The following KCNE2 variants were observed in gnomAD, a reference collection of about 807,000 sequenced individuals.
KCNE2 encodes the protein potassium voltage-gated channel subfamily E member 2.
A neutral mutation model predicts 4.5 loss-of-function variants in KCNE2; 4 were observed. The observed-to-expected ratio is 0.89, with a 90% CI of 0.44 to 2.03. The LOEUF is 2.03. Among genes scored for constraint, KCNE2 ranks in the 30% most tolerant of loss-of-function variants. The pLI is 0.03. For missense variants in KCNE2, 137 were observed against 151.4 expected, an observed-to-expected ratio of 0.90 and a Z score of 0.50; for synonymous variants, 57 against 55.9, an observed-to-expected ratio of 1.02 and a Z score of -0.09.
At chr21:34,370,367 T>C in intron 1 of KCNE2, 100 bp from the exon 2 acceptor site, 1 of 1,386,830 alleles carries the variant, frequency 7.2e-7, no homozygotes, top group Non-Finnish European at 1.0e-6. Flanking sequence ...GAAATACTAT[T>C]ACTTATACCC....
Position 34,370,511 on chromosome 21 carries a change from GGA to G in KCNE2, c.34_35del (p.Glu12ArgfsTer21), listed in dbSNP as rs1979530148. ...STLSNFTQTL[E>X]DVFRRIFITY... ...CTTTATCCAATTTCACACAGACGCT[GGA>G]AGACGTCTTCCGAAGGATTTTTATT... is the stretch of plus-strand genomic sequence containing the variant. On this transcript the variant is annotated frameshift_variant, in exon 2 of 2. Coordinates refer to ENST00000290310, the MANE Select transcript of KCNE2 (RefSeq NM_172201.2). LOFTEE classifies it high-confidence loss of function. 6.2e-7 allele frequency: 1 copy of G among 1,614,036 alleles called. No individual in the cohort carries two copies. The highest frequency in any genetic ancestry group is 1.1e-5 in the South Asian group (1 of 91,088).
intron 1 of KCNE2, among the ~76,000 whole-genome samples, chr21:34,369,058 G>A (rs1424229447): frequency 6.6e-6 from 1 of 152,070 alleles, no homozygotes; most frequent in Admixed American, 6.5e-5. Context: ...ATAATGTCCC[G>A]AGGAAAGAGA....
chr21:34,364,203 A>T (rs1979198961), intron 1 of KCNE2, 52 bp downstream of exon 1: 1 of 152,336 alleles, frequency 6.6e-6, no homozygotes, highest in African/African-American at 2.4e-5. Context: ...TAACAAAGTT[A>T]TCTATGTGCC....
rs1424072464 is a variant in KCNE2 at position 34,371,161 on chromosome 21, C to G, written c.*311C>G. 6 of 390,246 alleles carry G rather than the reference C, an allele frequency of 1.5e-5. No individual in the cohort carries two copies. In the East Asian group the frequency reaches 2.8e-4, roughly 18 times the overall value. 24.2% of individuals were successfully genotyped at this position (390,246 alleles called of 1,614,324 possible). The stretch of plus-strand genomic sequence containing the variant: ...TTGAAGTAAAGTGTCTGGGCAGTGG[C>G]TGTGGGGATAGAAAGGAGAGATTTA... On this transcript the variant is annotated 3_prime_UTR_variant, in exon 2 of 2. Coordinates refer to ENST00000290310, the MANE Select transcript of KCNE2 (RefSeq NM_172201.2).
chr21:34,370,210 A>G (rs573513652), intron 1 of KCNE2, among the ~76,000 whole-genome samples: 18 of 152,356 alleles, frequency 1.2e-4, no homozygotes, highest in African/African-American at 4.3e-4. Context: ...ATGCATATAT[A>G]AATATCAAAG....
At chr21:34,368,242 A>G (rs913553524) in intron 1 of KCNE2, among the ~76,000 whole-genome samples, 2 of 113,304 alleles carry the variant, frequency 1.8e-5, no homozygotes, top group African/African-American at 4.1e-5. Context: ...ATATATATAT[A>G]TATATATATA....
intron 1 of KCNE2, among the ~76,000 whole-genome samples, chr21:34,364,766 C>T (rs567489323): frequency 8.1e-6 from 1 of 123,026 alleles, no homozygotes; most frequent in East Asian, 2.9e-4. Context: ...GAGTGAGACT[C>T]CATCTCAAAA....
intron 1 of KCNE2, among the ~76,000 whole-genome samples, chr21:34,365,878 G>A (rs1424423289): frequency 2.0e-5 from 3 of 152,182 alleles, no homozygotes; most frequent in African/African-American, 7.2e-5. Context: ...TGTGGTCATG[G>A]AGCAGGCATG....
chr21:34,368,554 C>G (rs187254388), intron 1 of KCNE2, among the ~76,000 whole-genome samples: 20 of 151,874 alleles, frequency 1.3e-4, no homozygotes, highest in African/African-American at 4.8e-4. Flanking sequence ...GAGCCAAGAT[C>G]GCGCCACTGC....
At chr21:34,368,229 A>ACACAATATAT (rs781775671) in intron 1 of KCNE2, among the ~76,000 whole-genome samples, 5 of 84,810 alleles carry the variant, frequency 5.9e-5, no homozygotes, top group Non-Finnish European at 1.0e-4. Flanking sequence ...ACACACACAC[A>ACACAATATAT]ATATATATAT....
At chr21:34,368,238 A>AC (rs1979411120) in intron 1 of KCNE2, among the ~76,000 whole-genome samples, 5 of 107,122 alleles carry the variant, frequency 4.7e-5, no homozygotes, top group African/African-American at 2.1e-4. Context: ...CAATATATAT[A>AC]TATATATATA....
chr21:34,364,262 C>T (rs1328268694), intron 1 of KCNE2, 111 bp downstream of exon 1: 1 of 152,318 alleles, frequency 6.6e-6, no homozygotes, highest in African/African-American at 2.4e-5. Flanking sequence ...CATGGCCTGG[C>T]TCCTCATCCA....
chr21:34,368,230 A>ACAC (rs1568812346), intron 1 of KCNE2, among the ~76,000 whole-genome samples: 2 of 13,070 alleles, frequency 1.5e-4, no homozygotes, highest in African/African-American at 3.6e-4. Context: ...CACACACACA[A>ACAC]TATATATATA....
intron 1 of KCNE2, among the ~76,000 whole-genome samples, chr21:34,365,057 G>A (rs1310488289): frequency 6.6e-6 from 1 of 152,188 alleles, no homozygotes; most frequent in Non-Finnish European, 1.5e-5. Flanking sequence ...AGGACAGTCA[G>A]TGCTGGACAC....
In KCNE2 at chr21:34,364,139, A is replaced by G. The variant is rs1275724432; in HGVS notation, c.-25A>G. The G allele has an allele frequency of 6.6e-6, 1 of 152,228 alleles. No homozygotes were observed. The highest frequency in any genetic ancestry group is 1.5e-5 in the Non-Finnish European group (1 of 68,044). 9.4% of individuals were successfully genotyped at this position (152,228 alleles called of 1,614,324 possible). ...TTTGGAAAGGAATTTCATCCTGCCC[A>G]CACACTGCATAGGTAAGTCTTAGCA... is the stretch of plus-strand genomic sequence containing the variant. On this transcript the variant is annotated 5_prime_UTR_variant, in exon 1 of 2. Coordinates refer to ENST00000290310, the MANE Select transcript of KCNE2 (RefSeq NM_172201.2).
At chr21:34,370,404 G>T in intron 1 of KCNE2, 63 bp from the exon 2 acceptor site, 1 of 1,607,496 alleles carries the variant, frequency 6.2e-7, no homozygotes, top group East Asian at 2.2e-5. Flanking sequence ...CCTTTACATA[G>T]CCAAATCCAG....
chr21:34,366,537 T>C (rs1268988825), intron 1 of KCNE2, among the ~76,000 whole-genome samples: 1 of 152,084 alleles, frequency 6.6e-6, no homozygotes, highest in Non-Finnish European at 1.5e-5. Flanking sequence ...GATTCAGAGA[T>C]GAGTAAAGCA....
In KCNE2 at chr21:34,366,847, C is replaced by A. The variant is rs9985125; in HGVS notation, c.-13+2696C>A. 2.2e-4 allele frequency among the ~76,000 whole-genome samples: 33 copies of A among 150,900 alleles called. No individual in the cohort carries two copies. In the East Asian group the frequency reaches 6.1e-3, roughly 28 times the overall value. ...ACAAAAAATTAGCCGGGCTTCGTGG[C>A]GGGTGCCTGTAGACCCAGCTACTCA... On this transcript the variant is annotated intron_variant, in intron 1 of 1. Transcript: ENST00000290310.
At chr21:34,369,274 G>A (rs867795542) in intron 1 of KCNE2, among the ~76,000 whole-genome samples, 12 of 152,172 alleles carry the variant, frequency 7.9e-5, no homozygotes, top group African/African-American at 2.7e-4. Context: ...CATTGGCTGT[G>A]CACGGTGGCT....
Sources: gnomAD v4.1 joint callset for allele counts (sites outside exome capture counted in the v4.1 genomes callset) on GRCh38, gnomAD v4.1.1 for gene constraint, MANE v1.5 for transcripts, NCBI Gene and HGNC (gene_info 2026-07-23, HGNC 2026-07-21) for gene names.